The following ARID1B variants were observed in gnomAD, a reference collection of about 807,000 sequenced individuals.
ARID1B encodes AT-rich interaction domain 1B, also known as AT-rich interactive domain-containing protein 1B.
A neutral mutation model predicts 212.3 loss-of-function variants in ARID1B; 30 were observed. That is an observed-to-expected ratio of 0.14 (90% CI 0.11 to 0.19). The LOEUF (loss-of-function observed/expected upper bound fraction) is 0.19, where lower values mean the gene tolerates loss of function less well. Among genes scored for constraint, ARID1B ranks in the 10% least tolerant of loss-of-function variants. The probability of loss-of-function intolerance (pLI) is 1.00; values close to 1 mark genes in which losing one functional copy is unlikely to be tolerated. For synonymous variants in ARID1B, 1,402 were observed against 1,301.7 expected (o/e 1.08, Z -1.66); for missense variants, 2,891 against 3,204.0 (o/e 0.90, Z 2.36).
chr6:157,108,314 A>G (rs1786637562), intron 5 of ARID1B, among the ~76,000 whole-genome samples: 1 of 152,042 alleles, frequency 6.6e-6, no homozygotes, highest in Non-Finnish European at 1.5e-5. Flanking sequence ...AGCCTTTTTT[A>G]TTTCTACTTG....
chr6:156,788,221 A>C (rs1389041289), intron 1 of ARID1B, among the ~76,000 whole-genome samples: 1 of 152,118 alleles, frequency 6.6e-6, no homozygotes, highest in South Asian at 2.1e-4. Context: ...ATTAAACCAC[A>C]CTAGATCCCA....
intron 4 of ARID1B, among the ~76,000 whole-genome samples, 178 bp from the exon 5 acceptor site, chr6:157,084,484 T>C (rs1046488760): frequency 1.3e-5 from 2 of 152,134 alleles, no homozygotes; most frequent in African/African-American, 4.8e-5. Flanking sequence ...ATCTTATTGG[T>C]TCAACTTACA....
At chr6:156,835,026 A>G (rs1407888880) in intron 2 of ARID1B, among the ~76,000 whole-genome samples, 1 of 152,000 alleles carries the variant, frequency 6.6e-6, no homozygotes, top group African/African-American at 2.4e-5. Flanking sequence ...CGAGGTCAGG[A>G]GATAGATAGA....
At position 157,206,616 on chromosome 6, in the gene ARID1B, C is replaced by T. The variant is rs1431743339; in HGVS notation, c.5844C>T (p.Asp1948=). The T allele has an allele frequency of 1.9e-6, 3 of 1,613,858 alleles. No homozygotes were observed. Among genetic ancestry groups the T allele is most frequent in the East Asian group, 4.5e-5 (2 of 44,848 alleles). The stretch of plus-strand genomic sequence containing the variant: ...TGCACTGGCAGCTCGGCGGGGGTGA[C>T]ACCACCGAGCACATTCAGACTCACT... ...GLLHWQLGGG[D]TTEHIQTHFE... Residue 1948 remains aspartate (D), a synonymous_variant, in exon 20 of 20, where the codon GAC becomes GAT. Coordinates refer to ENST00000636930, the MANE Select transcript of ARID1B (RefSeq NM_001374828.1). This position sits in a 1 kb window ranked among gnomAD's most constrained non-coding sequence, Gnocchi z 6.8.
intron 4 of ARID1B, among the ~76,000 whole-genome samples, chr6:157,045,137 T>TA (rs1422211172): frequency 6.6e-6 from 1 of 152,198 alleles, no homozygotes; most frequent in Non-Finnish European, 1.5e-5. Flanking sequence ...TAAACTACTA[T>TA]AAAGTTGACA....
intron 3 of ARID1B, among the ~76,000 whole-genome samples, chr6:156,906,767 G>A (rs1372281985): frequency 2.0e-5 from 3 of 151,998 alleles, no homozygotes; most frequent in Non-Finnish European, 4.4e-5. Context: ...TCCTGCATGG[G>A]ATAGCTTTCC....
At chr6:157,165,619 G>A (rs1473093296) in intron 8 of ARID1B, among the ~76,000 whole-genome samples, 2 of 152,142 alleles carry the variant, frequency 1.3e-5, no homozygotes, top group East Asian at 1.9e-4. Flanking sequence ...CACTTTGGGT[G>A]GGCATATCGC....
rs150976512 is a variant in ARID1B at position 156,854,441 on chromosome 6, G to T, written c.1986+25020G>T. 4.5e-4 allele frequency among the ~76,000 whole-genome samples: 69 copies of T among 152,380 alleles called. 1 individual carries two copies. The East Asian group carries it at 0.01, about 23-fold the overall frequency. Reference sequence around the variant, plus strand: ...GGAAGCCCTTTGGGGCTGTGAAGCAGGGGTAGGGGCTTGTCCTGGAGCAGA... The same window carrying T: ...GGAAGCCCTTTGGGGCTGTGAAGCATGGGTAGGGGCTTGTCCTGGAGCAGA... On this transcript the variant is annotated intron_variant, in intron 2 of 19. Coordinates refer to ENST00000636930, the MANE Select transcript of ARID1B (RefSeq NM_001374828.1).
chr6:157,027,213 G>C (rs1466524221), intron 4 of ARID1B, among the ~76,000 whole-genome samples: 2 of 152,090 alleles, frequency 1.3e-5, no homozygotes, highest in Non-Finnish European at 2.9e-5. Flanking sequence ...TTCAAAATAA[G>C]TTTCCTCTAA....
At chr6:157,061,922 G>A (rs1783366901) in intron 4 of ARID1B, among the ~76,000 whole-genome samples, 1 of 152,156 alleles carries the variant, frequency 6.6e-6, no homozygotes, top group Admixed American at 6.5e-5. Flanking sequence ...CGTGTGGTAG[G>A]AGGAAAGTAT....
intron 4 of ARID1B, among the ~76,000 whole-genome samples, chr6:156,991,242 G>A (rs377127446): frequency 1.6e-3 from 249 of 152,168 alleles, no homozygotes; most frequent in African/African-American, 5.8e-3. Flanking sequence ...TTCTGTTTTT[G>A]TTTTTTGAGA....
chr6:156,931,434 G>A (rs930864192), intron 3 of ARID1B, among the ~76,000 whole-genome samples: 1 of 152,114 alleles, frequency 6.6e-6, no homozygotes, highest in South Asian at 2.1e-4. Flanking sequence ...TGGGATACTA[G>A]TGTTTTCCTC....
chr6:156,906,255 G>A (rs987724302), intron 3 of ARID1B, among the ~76,000 whole-genome samples: 1 of 152,042 alleles, frequency 6.6e-6, no homozygotes, highest in African/African-American at 2.4e-5. Flanking sequence ...GGGCAGGGTT[G>A]TCATTGGTAA....
rs781527504 is a variant in ARID1B, at chr6:157,206,315, C to T, written c.5543C>T (p.Ala1848Val). The change falls in exon 20 of 20, where the codon GCA (alanine) becomes GTA (valine). Residue 1848 changes from alanine (A) to valine (V), a missense_variant. Physicochemically the swap from Ala to Val is moderately conservative, Grantham distance 64 (BLOSUM62 0). Around this residue, in one of 7 missense-constraint regions of ARID1B, gnomAD observed 332 missense variants for 369.2 expected, o/e 0.90. Transcript: ENST00000636930. This position sits in a 1 kb window ranked among gnomAD's most constrained non-coding sequence, Gnocchi z 6.8. ...AGGAAGGATGACAGCCAGTCCTTGG[C>T]AGACGATTCTGGGAAAGAGGAGGAA... ...AARKDDSQSLADDSGKEEEDA... is the reference protein window; with the variant it reads ...AARKDDSQSLVDDSGKEEEDA... The T allele has an allele frequency of 1.9e-6, 3 of 1,614,156 alleles. No individual in the cohort carries two copies. Among genetic ancestry groups the T allele is most frequent in the Admixed American group, 3.3e-5 (2 of 60,024 alleles).
chr6:156,857,672 G>A (rs1312455336), intron 2 of ARID1B, among the ~76,000 whole-genome samples: 1 of 152,180 alleles, frequency 6.6e-6, no homozygotes, highest in Non-Finnish European at 1.5e-5. Context: ...GTTCCTAACT[G>A]GTATAGTAGT....
intron 3 of ARID1B, among the ~76,000 whole-genome samples, chr6:156,929,340 A>C (rs1466385952): frequency 6.6e-6 from 1 of 152,204 alleles, no homozygotes; most frequent in Admixed American, 6.5e-5. Flanking sequence ...ACACACAGAA[A>C]GTGGAGGGAG....
intron 6 of ARID1B, among the ~76,000 whole-genome samples, chr6:157,116,508 T>C (rs1194850846): frequency 2.7e-5 from 4 of 148,848 alleles, no homozygotes; most frequent in African/African-American, 5.0e-5. Flanking sequence ...ACTTTCCTAG[T>C]GTAATCCCAT....
intron 2 of ARID1B, among the ~76,000 whole-genome samples, chr6:156,893,029 T>C (rs1788064451): frequency 7.1e-6 from 1 of 141,440 alleles, no homozygotes; most frequent in Admixed American, 6.9e-5. Context: ...AAACTCTTTT[T>C]TTTTCTTTTT....
intron 2 of ARID1B, among the ~76,000 whole-genome samples, chr6:156,897,316 C>T (rs1407453074): frequency 7.3e-6 from 1 of 137,500 alleles, no homozygotes; most frequent in African/African-American, 2.6e-5. Flanking sequence ...CCCTGTCGCC[C>T]AGGCTGGAGT....
Sources: gnomAD v4.1 joint callset for allele counts (sites outside exome capture counted in the v4.1 genomes callset) on GRCh38, gnomAD v4.1.1 for gene constraint, gnomAD v4.1.1 regional missense constraint, Gnocchi (gnomAD v3.1) non-coding constraint, MANE v1.5 for transcripts, NCBI Gene and HGNC (gene_info 2026-07-23, HGNC 2026-07-21) for gene names.